EPB41L3: variants seen among roughly 807,000 people sequenced by gnomAD.
EPB41L3 encodes the protein band 4.1-like protein 3.
A neutral mutation model predicts 127.1 loss-of-function variants in EPB41L3; 57 were observed. The ratio of observed to expected loss-of-function variants is 0.45; its 90% CI spans 0.36 to 0.56. The LOEUF (loss-of-function observed/expected upper bound fraction) is 0.56, where lower values mean the gene tolerates loss of function less well. Ranked by LOEUF, EPB41L3 falls within the 20% of genes least tolerant of loss-of-function variation. The probability of loss-of-function intolerance (pLI) is 0.00; values close to 1 mark genes in which losing one functional copy is unlikely to be tolerated. For synonymous variants in EPB41L3, 572 were observed against 549.5 expected (o/e 1.04, Z -0.57); for missense variants, 1,273 against 1,372.2 (o/e 0.93, Z 1.14).
At chr18:5,516,798 G>C (rs1166862270) in intron 1 of EPB41L3, among the ~76,000 whole-genome samples, 2 of 152,154 alleles carry the variant, frequency 1.3e-5, no homozygotes, top group Non-Finnish European at 2.9e-5. Flanking sequence ...AAAATCTGCT[G>C]ATCAGAACAG....
At chr18:5,546,623 T>C (rs2093885749), upstream of EPB41L3, among the ~76,000 whole-genome samples, 1 of 152,200 alleles carries the variant, frequency 6.6e-6, no homozygotes, top group Admixed American at 6.5e-5. Flanking sequence ...TGCTGCATAG[T>C]TTGATAGGAA....
At chr18:5,615,070 TA>T (rs2144107089) in intron 1 of EPB41L3, among the ~76,000 whole-genome samples, 1 of 152,178 alleles carries the variant, frequency 6.6e-6, no homozygotes, top group Non-Finnish European at 1.5e-5. Context: ...AAGCAACCAA[TA>T]AGGTGTTAGA....
chr18:5,480,233 C>T (rs146336223), intron 2 of EPB41L3: 1 of 152,196 alleles, frequency 6.6e-6, no homozygotes, highest in African/African-American at 2.4e-5. Flanking sequence ...TTTCTGGGAA[C>T]ACTGGAAACA....
rs754740045 is a variant in EPB41L3, at chr18:5,397,395, A to G, written c.2504T>C (p.Ile835Thr). The G allele has an allele frequency of 6.8e-6, 11 of 1,613,282 alleles. No homozygotes were observed. The highest frequency in any genetic ancestry group is 2.2e-5 in the East Asian group (1 of 44,870). The change falls in exon 18 of 23, where the codon ATA becomes ACA. Residue 835 changes from isoleucine to threonine, a missense_variant. Physicochemically the swap from Ile to Thr is moderately conservative, Grantham distance 89. Coordinates refer to ENST00000341928, the MANE Select transcript of EPB41L3 (RefSeq NM_012307.5). The surrounding 1 kb of genome is among the most constrained non-coding windows in gnomAD (Gnocchi z 4.1). ...GTGGTGCACGGTGGGTTCCGTCTCTATTCCACTGGACTCCGTCTTGGTTTC... is the reference window on the plus strand; with the variant it reads ...GTGGTGCACGGTGGGTTCCGTCTCTGTTCCACTGGACTCCGTCTTGGTTTC... ...KMETKTESSG[I>T]ETEPTVHHLP...
rs10622515 is a variant in EPB41L3 at position 5,622,951 on chromosome 18, A to ATTTTTT, written c.-468+5965_-468+5970dup. Among the ~76,000 whole-genome samples the ATTTTTT allele has an allele frequency of 1.8e-4, 14 of 76,048 alleles. 2 individuals carry two copies. Among genetic ancestry groups the ATTTTTT allele is most frequent in the East Asian group, 4.1e-4 (1 of 2,438 alleles). The allele number at this position is 76,048 out of a possible 152,430, so 49.9% of individuals were successfully genotyped here. A position where few individuals can be genotyped will look rare whatever the true frequency, so the allele number is the denominator to read the frequency against. On this transcript the variant is annotated intron_variant, in intron 1 of 21. Coordinates refer to the EPB41L3 transcript ENST00000545076. Reference sequence around the variant, plus strand: ...GAGAGATTTGTATGGCATAATGCTGATTTTTTTTTTTTTTTTTTTTTTTTT... The same window carrying ATTTTTT: ...GAGAGATTTGTATGGCATAATGCTGATTTTTTTTTTTTTTTTTTTTTTTTTTTTTTT...
At chr18:5,520,552 C>CAAAATAA (rs1331825854) in intron 1 of EPB41L3, among the ~76,000 whole-genome samples, 20 of 131,730 alleles carry the variant, frequency 1.5e-4, no homozygotes, top group Non-Finnish European at 3.2e-4. Flanking sequence ...CCTACTTTCC[C>CAAAATAA]AAAATAAAAA....
intron 3 of EPB41L3, among the ~76,000 whole-genome samples, chr18:5,604,207 G>A (rs545896933): frequency 1.3e-5 from 2 of 150,534 alleles, no homozygotes. Context: ...TAGTTTAAAT[G>A]TCCTTACCCA....
At chr18:5,541,166 T>C (rs553406244) in intron 1 of EPB41L3, among the ~76,000 whole-genome samples, 21 of 139,790 alleles carry the variant, frequency 1.5e-4, no homozygotes, top group African/African-American at 3.5e-4. Context: ...GGCAAAAGAA[T>C]TGCTTGAACC....
chr18:5,486,931 A>T (rs1429525323), intron 2 of EPB41L3, among the ~76,000 whole-genome samples: 1 of 152,176 alleles, frequency 6.6e-6, no homozygotes, highest in Non-Finnish European at 1.5e-5. Context: ...TTCCTTGAAA[A>T]CTAAAAATAG....
intron 3 of EPB41L3, among the ~76,000 whole-genome samples, chr18:5,585,982 C>T (rs1377982279): frequency 6.6e-6 from 1 of 152,184 alleles, no homozygotes; most frequent in Non-Finnish European, 1.5e-5. Flanking sequence ...AACACTATTA[C>T]CTCCCCTTAC....
At chr18:5,459,730 G>A (rs2083660492) in intron 3 of EPB41L3, among the ~76,000 whole-genome samples, 1 of 152,234 alleles carries the variant, frequency 6.6e-6, no homozygotes, top group Admixed American at 6.5e-5. Context: ...TAATATCAGT[G>A]TGTAACAGAC....
At chr18:5,572,562 T>C (rs1568592115) in intron 3 of EPB41L3, among the ~76,000 whole-genome samples, 1 of 152,166 alleles carries the variant, frequency 6.6e-6, no homozygotes, top group South Asian at 2.1e-4. Flanking sequence ...GTTTCTGTTT[T>C]TGTTGTTTTG....
intron 14 of EPB41L3, among the ~76,000 whole-genome samples, chr18:5,408,812 GCTTT>G (rs2075832417): frequency 2.0e-5 from 3 of 152,236 alleles, no homozygotes; most frequent in African/African-American, 7.2e-5. Flanking sequence ...TCCCTGGACT[GCTTT>G]CTGAGTATCA....
In EPB41L3 at chr18:5,428,514, A is replaced by C. The variant is rs2078538725; in HGVS notation, c.913-49T>G. 2.5e-6 allele frequency: 4 copies of C among 1,602,518 alleles called. No homozygotes were observed. The Admixed American group carries it at 5.0e-5, about 20-fold the overall frequency. On this transcript the variant is annotated intron_variant, in intron 8 of 22. Coordinates refer to ENST00000341928, the MANE Select transcript of EPB41L3 (RefSeq NM_012307.5). ...ACAGATCAGTATCTAACTTATTTCC[A>C]TTTTCTGCTGGGTAAAGTATTTAAG...
chr18:5,495,709 T>A (rs1456977771), intron 1 of EPB41L3, among the ~76,000 whole-genome samples: 1 of 151,806 alleles, frequency 6.6e-6, no homozygotes, highest in Non-Finnish European at 1.5e-5. Flanking sequence ...AAATCAGGAA[T>A]AAATAAGAGC....
chr18:5,596,837 G>A (rs905939233), intron 3 of EPB41L3, among the ~76,000 whole-genome samples: 1 of 151,952 alleles, frequency 6.6e-6, no homozygotes, highest in Non-Finnish European at 1.5e-5. Context: ...TTAATAATGA[G>A]GTATTTTTCC....
intron 1 of EPB41L3, among the ~76,000 whole-genome samples, chr18:5,516,556 T>G (rs1204269759): frequency 6.6e-6 from 1 of 152,204 alleles, no homozygotes; most frequent in East Asian, 1.9e-4. Context: ...AAGGCAAAAA[T>G]GTTAACCACT....
At chr18:5,581,285 C>A (rs1418701494) in intron 3 of EPB41L3, among the ~76,000 whole-genome samples, 1 of 152,060 alleles carries the variant, frequency 6.6e-6, no homozygotes, top group Non-Finnish European at 1.5e-5. Flanking sequence ...CTAAATTTAT[C>A]TTTTCATATC....
At chr18:5,628,152 G>A (rs2094943379) in intron 1 of EPB41L3, among the ~76,000 whole-genome samples, 1 of 152,234 alleles carries the variant, frequency 6.6e-6, no homozygotes, top group Non-Finnish European at 1.5e-5. Context: ...CAAGTCTTGC[G>A]GGGCCCGTCG....
Sources: allele counts gnomAD v4.1 joint callset (sites outside exome capture counted in the v4.1 genomes callset), GRCh38; gene constraint gnomAD v4.1.1; non-coding constraint Gnocchi (gnomAD v3.1); transcripts MANE v1.5; gene names NCBI Gene and HGNC (gene_info 2026-07-23, HGNC 2026-07-21).